The following NDE1 variants were observed in gnomAD, a reference collection of about 807,000 sequenced individuals.
NDE1 encodes nudE neurodevelopment protein 1.
A neutral mutation model predicts 43.4 loss-of-function variants in NDE1; 28 were observed. That is an observed-to-expected ratio of 0.65 (90% CI 0.48 to 0.89). The LOEUF (loss-of-function observed/expected upper bound fraction) is 0.89. Among genes scored for constraint, NDE1 ranks in the 40% least tolerant of loss-of-function variants. The pLI is 0.00. For missense variants in NDE1, 441 were observed against 434.1 expected (o/e 1.02, Z -0.14); for synonymous variants, 184 against 172.0 (o/e 1.07, Z -0.55).
chr16:15,723,091 C>G (rs1387554437), intron 8 of NDE1, among the ~76,000 whole-genome samples: 1 of 152,124 alleles, frequency 6.6e-6, no homozygotes, highest in East Asian at 1.9e-4. Flanking sequence ...TAAACTAAAT[C>G]ATATTTACTA....
At chr16:15,699,420 C>T (rs2039147774) in intron 8 of NDE1, among the ~76,000 whole-genome samples, 2 of 152,030 alleles carry the variant, frequency 1.3e-5, no homozygotes, top group African/African-American at 4.8e-5. Flanking sequence ...CCACCACACC[C>T]AGCTAATTTT....
In NDE1 at chr16:15,669,991, C is replaced by G. The variant is rs373450098; in HGVS notation, c.237+2552C>G. Among the ~76,000 whole-genome samples the G allele has an allele frequency of 2.6e-5, 4 of 152,290 alleles. No homozygotes were observed. In the South Asian group the frequency reaches 8.3e-4, roughly 32 times the overall value. ...CAGCAAGGGATCACTAAGTCAACACCGTGCCCCAGAGACTGGCTCTCAGCC... is the reference window on the plus strand; with the variant it reads ...CAGCAAGGGATCACTAAGTCAACACGGTGCCCCAGAGACTGGCTCTCAGCC... On this transcript the variant is annotated intron_variant, in intron 3 of 8. Coordinates refer to ENST00000396354, the MANE Select transcript of NDE1 (RefSeq NM_017668.3).
At chr16:15,714,844 C>T in intron 8 of NDE1, 4 of 1,597,504 alleles carry the variant, frequency 2.5e-6, no homozygotes, top group Non-Finnish European at 2.6e-6. Flanking sequence ...CCGAAAGGAG[C>T]CCGAGCCCCC....
chr16:15,661,645 G>C (rs1462239482), intron 1 of NDE1, among the ~76,000 whole-genome samples: 1 of 151,468 alleles, frequency 6.6e-6, no homozygotes, highest in East Asian at 1.9e-4. Context: ...GGTCTCACCA[G>C]GTTGCCCAGG....
chr16:15,693,548 A>G (rs1457112721), intron 6 of NDE1, among the ~76,000 whole-genome samples: 4 of 152,188 alleles, frequency 2.6e-5, no homozygotes, highest in Non-Finnish European at 5.9e-5. Context: ...GCCTGTAAAT[A>G]CCAGCCCTTT....
intron 8 of NDE1, among the ~76,000 whole-genome samples, chr16:15,705,548 T>C (rs1196944606): frequency 6.6e-6 from 1 of 152,212 alleles, no homozygotes; most frequent in Non-Finnish European, 1.5e-5. Flanking sequence ...GCTCTGGCCA[T>C]CTGGCCCTGT....
intron 8 of NDE1, chr16:15,721,082 G>C: frequency 1.2e-6 from 2 of 1,610,000 alleles, no homozygotes; most frequent in Middle Eastern, 1.7e-4. Flanking sequence ...CCCATTCTAT[G>C]AGGCTCAACT....
intron 4 of NDE1, chr16:15,686,424 C>T (rs1466307951): frequency 7.1e-6 from 7 of 985,272 alleles, no homozygotes; most frequent in African/African-American, 1.7e-5. Context: ...TGTTTATGCC[C>T]TTCACAAGAA....
At chr16:15,685,595 C>G (rs978455672) in intron 4 of NDE1, among the ~76,000 whole-genome samples, 43 of 152,120 alleles carry the variant, frequency 2.8e-4, no homozygotes, top group African/African-American at 1.0e-3. Flanking sequence ...ATCCTATCCA[C>G]TACTTCTAAA....
intron 7 of NDE1, 67 bp from the exon 8 acceptor site, chr16:15,696,642 A>G: frequency 1.2e-6 from 2 of 1,612,874 alleles, no homozygotes; most frequent in Non-Finnish European, 1.7e-6. Context: ...GTTCTTCTGT[A>G]CAGGCTCTGG....
intron 8 of NDE1, among the ~76,000 whole-genome samples, chr16:15,705,443 G>A (rs1040668520): frequency 2.0e-5 from 3 of 152,190 alleles, no homozygotes; most frequent in Non-Finnish European, 4.4e-5. Flanking sequence ...AGAGTGGGCA[G>A]AAGAAGGAAA....
chr16:15,723,905 C>G (rs1189626953), intron 8 of NDE1, among the ~76,000 whole-genome samples: 1 of 152,172 alleles, frequency 6.6e-6, no homozygotes, highest in Non-Finnish European at 1.5e-5. Context: ...AAGGCATCAC[C>G]ATGTGTGCAG....
chr16:15,706,001 A>AAAAAAAAAC, intron 8 of NDE1, among the ~76,000 whole-genome samples: 1 of 150,976 alleles, frequency 6.6e-6, no homozygotes, highest in Non-Finnish European at 1.5e-5. Flanking sequence ...AAAAAAAAAA[A>AAAAAAAAAC]AAAATCAAGG....
intron 8 of NDE1, chr16:15,718,113 G>A: frequency 1.3e-6 from 1 of 779,546 alleles, no homozygotes; most frequent in Non-Finnish European, 2.1e-6. Context: ...AGACACTGCA[G>A]CGTGGAGAGG....
intron 8 of NDE1, chr16:15,715,385 C>G (rs548849188): frequency 8.5e-5 from 78 of 914,142 alleles, no homozygotes; most frequent in South Asian, 7.4e-4. Flanking sequence ...TATCTGGACT[C>G]CTCTCAAGAA....
intron 8 of NDE1, among the ~76,000 whole-genome samples, chr16:15,697,951 C>G (rs940101449): frequency 3.3e-5 from 5 of 151,838 alleles, no homozygotes; most frequent in Non-Finnish European, 5.9e-5. Context: ...GGATTACAGG[C>G]GTGTGCCACC....
chr16:15,696,160 G>A (rs553445969), intron 7 of NDE1, among the ~76,000 whole-genome samples: 1 of 145,054 alleles, frequency 6.9e-6, no homozygotes, highest in East Asian at 2.0e-4. Flanking sequence ...TTTCCAGGCA[G>A]CTCCCAAACA....
At chr16:15,693,737 C>T (rs1002249774) in intron 6 of NDE1, among the ~76,000 whole-genome samples, 3 of 152,124 alleles carry the variant, frequency 2.0e-5, no homozygotes, top group African/African-American at 7.2e-5. Flanking sequence ...GTCAAGAGTT[C>T]GAGACCAGCC....
At position 15,695,203 on chromosome 16, in the gene NDE1, C is replaced by CTTTTTT. The variant is rs71134451; in HGVS notation, c.795+966_795+971dup. Among the ~76,000 whole-genome samples the CTTTTTT allele has an allele frequency of 5.6e-3, 445 of 79,604 alleles. 3 individuals are homozygous for CTTTTTT. Among genetic ancestry groups the CTTTTTT allele is most frequent in the African/African-American group, 0.02 (368 of 18,068 alleles). The allele number at this position is 79,604 out of a possible 152,430, so 52.2% of individuals were successfully genotyped here. On this transcript the variant is annotated intron_variant, in intron 7 of 8. Coordinates refer to ENST00000396354, the MANE Select transcript of NDE1 (RefSeq NM_017668.3). ...TCTCAGAAGAGAAAAAAACTGCCAC[C>CTTTTTT]TTTTTTTTTTTTTTTTTTTTTTTTG...
Sources: allele counts gnomAD v4.1 joint callset (sites outside exome capture counted in the v4.1 genomes callset), GRCh38; gene constraint gnomAD v4.1.1; transcripts MANE v1.5; gene names NCBI Gene and HGNC (gene_info 2026-07-23, HGNC 2026-07-21).